The following CCDC88A variants were observed in gnomAD, a reference collection of about 807,000 sequenced individuals.
CCDC88A encodes coiled-coil and HOOK domain protein 88A.
CCDC88A carries 54 observed loss-of-function variants against 234.3 expected under a neutral mutation model. That is an observed-to-expected ratio of 0.23 (90% CI 0.19 to 0.29). The LOEUF (loss-of-function observed/expected upper bound fraction) is 0.29, where lower values mean the gene tolerates loss of function less well. Ranked by LOEUF, CCDC88A falls within the 10% of genes least tolerant of loss-of-function variation. The pLI is 1.00. For missense variants in CCDC88A, 1,832 were observed against 2,123.4 expected (o/e 0.86, Z 2.70); for synonymous variants, 753 against 737.8 (o/e 1.02, Z -0.33).
At chr2:55,302,182 C>T (rs1680976954) in intron 26 of CCDC88A, 110 bp from the exon 27 acceptor site, 2 of 794,130 alleles carry the variant, frequency 2.5e-6, no homozygotes, top group East Asian at 2.7e-5. Flanking sequence ...TGCAAATGGA[C>T]ATAAAAAATT....
chr2:55,355,033 C>T (rs943264122), intron 8 of CCDC88A, among the ~76,000 whole-genome samples: 1 of 150,660 alleles, frequency 6.6e-6, no homozygotes. Context: ...GGACCACCAT[C>T]ATATATGTGG....
At chr2:55,303,830 C>T (rs1209790013) in intron 25 of CCDC88A, among the ~76,000 whole-genome samples, 1 of 152,150 alleles carries the variant, frequency 6.6e-6, no homozygotes, top group African/African-American at 2.4e-5. Flanking sequence ...ACAGAGTCTA[C>T]ATGATGAAAA....
chr2:55,351,692 T>G (rs1000473030), intron 8 of CCDC88A, among the ~76,000 whole-genome samples: 34 of 152,218 alleles, frequency 2.2e-4, no homozygotes, highest in Non-Finnish European at 4.3e-4. Context: ...ATTAATTATG[T>G]TCACAATGTT....
chr2:55,323,156 A>C (rs1453129742), intron 17 of CCDC88A: 1 of 152,302 alleles, frequency 6.6e-6, no homozygotes, highest in Admixed American at 6.5e-5. Flanking sequence ...CCTGGATAAG[A>C]TATATCCTTG....
intron 3 of CCDC88A, among the ~76,000 whole-genome samples, chr2:55,384,504 A>C (rs1304427788): frequency 1.3e-5 from 1 of 79,638 alleles, no homozygotes; most frequent in African/African-American, 8.4e-5. Context: ...TTATATATTG[A>C]ATATTATATA....
chr2:55,385,567 G>T (rs1435327844), intron 3 of CCDC88A, among the ~76,000 whole-genome samples: 2 of 152,090 alleles, frequency 1.3e-5, no homozygotes, highest in East Asian at 3.9e-4. Context: ...AAAAAAGACA[G>T]TCTAGCCGGG....
Position 55,335,144 on chromosome 2 carries a change from T to C in CCDC88A, c.1677A>G (p.Glu559=). 1 of 1,538,048 alleles carries C rather than the reference T, an allele frequency of 6.5e-7. No homozygotes were observed. The highest frequency in any genetic ancestry group is 8.7e-7 in the Non-Finnish European group (1 of 1,147,606). ...ACACTGTTTGATTCAGATGTTCATT[T>C]TCCTGTTCCAGTATCTTAATCTAAT... The part of the protein sequence containing the change: ...SERQIKILEQ[E]NEHLNQTVSS... Residue 559 remains glutamate (E), a synonymous_variant, in exon 15 of 33, where the codon GAA becomes GAG. Coordinates refer to ENST00000436346, the MANE Select transcript of CCDC88A (RefSeq NM_001365480.1). This position sits in a 1 kb window ranked among gnomAD's most constrained non-coding sequence, Gnocchi z 4.5.
chr2:55,301,023 C>T (rs547027761), intron 28 of CCDC88A, 183 bp downstream of exon 28: 1 of 532,554 alleles, frequency 1.9e-6, no homozygotes, highest in Non-Finnish European at 3.3e-6. Context: ...TTAGATGAAG[C>T]AATTATCTTA....
At chr2:55,392,034 TG>T (rs1231656019) in intron 2 of CCDC88A, among the ~76,000 whole-genome samples, 2 of 152,242 alleles carry the variant, frequency 1.3e-5, no homozygotes, top group African/African-American at 4.8e-5. Context: ...GATTTTCAGT[TG>T]GGTTTGTCTG....
Position 55,349,517 on chromosome 2 carries a change from C to A in CCDC88A, c.882+1G>T. On this transcript the variant is annotated splice_donor_variant, in intron 9 of 32. Coordinates refer to ENST00000436346, the MANE Select transcript of CCDC88A (RefSeq NM_001365480.1). LOFTEE classifies it high-confidence loss of function. ...AAATAACAGATATTCCAGGTACAAA[C>A]CTCTTGTTGCAGCCTTTTGAGTTCT... The A allele has an allele frequency of 6.2e-7, 1 of 1,605,046 alleles. No homozygotes were observed. Among genetic ancestry groups the A allele is most frequent in the East Asian group, 2.2e-5 (1 of 44,644 alleles).
At chr2:55,370,260 T>C (rs915441683) in intron 5 of CCDC88A, among the ~76,000 whole-genome samples, 21 of 152,258 alleles carry the variant, frequency 1.4e-4, no homozygotes, top group African/African-American at 4.3e-4. Flanking sequence ...TAAAAAACCT[T>C]GAATGATGTT....
intron 2 of CCDC88A, chr2:55,406,274 T>C (rs1160259683): frequency 6.6e-6 from 1 of 152,128 alleles, no homozygotes; most frequent in East Asian, 1.9e-4. Flanking sequence ...TTGGGAAAAA[T>C]TAAGTTAACC....
intron 3 of CCDC88A, among the ~76,000 whole-genome samples, chr2:55,379,595 A>G (rs1674244009): frequency 1.3e-5 from 2 of 152,230 alleles, no homozygotes; most frequent in Admixed American, 6.5e-5. Flanking sequence ...AGACAATAAA[A>G]CAAGTAAGTG....
intron 3 of CCDC88A, among the ~76,000 whole-genome samples, chr2:55,378,701 C>A (rs907762539): frequency 2.6e-5 from 4 of 151,622 alleles, no homozygotes; most frequent in Non-Finnish European, 5.9e-5. Flanking sequence ...TATTGGTTAC[C>A]CTATGGGTTC....
intron 19 of CCDC88A, 51 bp downstream of exon 19, chr2:55,318,792 T>C (rs750425409): frequency 7.4e-7 from 1 of 1,353,374 alleles, no homozygotes; most frequent in East Asian, 2.4e-5. Context: ...CTTATTTTAA[T>C]AGCATAATTC....
At chr2:55,416,968 G>T (rs997929189) in intron 2 of CCDC88A, 1 of 149,904 alleles carries the variant, frequency 6.7e-6, no homozygotes. Context: ...TTAGGACACC[G>T]AAAAAAAATC....
chr2:55,308,003 G>A (rs1347613932), intron 25 of CCDC88A: 1 of 120,456 alleles, frequency 8.3e-6, no homozygotes, highest in Non-Finnish European at 1.7e-5. Flanking sequence ...TTGAGATGGA[G>A]TTTCACTCTT....
intron 5 of CCDC88A, among the ~76,000 whole-genome samples, chr2:55,371,646 G>GT (rs1203479127): frequency 3.9e-5 from 6 of 152,088 alleles, no homozygotes; most frequent in Non-Finnish European, 7.4e-5. Flanking sequence ...CCATTCCACT[G>GT]TAATTATTAT....
intron 8 of CCDC88A, among the ~76,000 whole-genome samples, chr2:55,351,346 GT>G (rs150857084): frequency 2.5e-4 from 37 of 150,314 alleles, no homozygotes; most frequent in Non-Finnish European, 4.3e-4. Context: ...TTTTTTTCAG[GT>G]TTTTTTTTTC....
Sources: allele counts gnomAD v4.1 joint callset (sites outside exome capture counted in the v4.1 genomes callset), GRCh38; gene constraint gnomAD v4.1.1; non-coding constraint Gnocchi (gnomAD v3.1); transcripts MANE v1.5; gene names NCBI Gene and HGNC (gene_info 2026-07-23, HGNC 2026-07-21).